The following SIPA1L3 variants were observed in gnomAD, a reference collection of about 807,000 sequenced individuals.
SIPA1L3 encodes signal induced proliferation associated 1 like 3.
In SIPA1L3, 59 loss-of-function variants were observed where a neutral mutation model predicts 150.1. That is an observed-to-expected ratio of 0.39 (90% CI 0.32 to 0.49). SIPA1L3 has a LOEUF of 0.49. SIPA1L3 is among the 20% of genes least tolerant of loss of function. The probability of loss-of-function intolerance (pLI) is 0.86; values close to 1 mark genes in which losing one functional copy is unlikely to be tolerated. For synonymous variants in SIPA1L3, 1,070 were observed against 1,077.6 expected (o/e 0.99, Z 0.14); for missense variants, 2,211 against 2,489.5 (o/e 0.89, Z 2.38).
At chr19:38,098,680 G>A (rs1401897875) in intron 4 of SIPA1L3, among the ~76,000 whole-genome samples, 1 of 152,018 alleles carries the variant, frequency 6.6e-6, no homozygotes, top group Non-Finnish European at 1.5e-5. Flanking sequence ...TTTATTAGAG[G>A]GAAATCTGCC....
At chr19:38,109,572 C>T (rs1181636035) in intron 7 of SIPA1L3, 1 of 152,382 alleles carries the variant, frequency 6.6e-6, no homozygotes, top group African/African-American at 2.4e-5. Context: ...ACTGGCCCTG[C>T]CAGTGACCTG....
chr19:38,130,637 A>C lies in SIPA1L3; in HGVS notation c.3008A>C (p.Gln1003Pro). 6.2e-7 allele frequency: 1 copy of C among 1,613,784 alleles called. No homozygotes were observed. Among genetic ancestry groups the C allele is most frequent in the Non-Finnish European group, 8.5e-7 (1 of 1,180,036 alleles). Residue 1003 changes from glutamine (Q) to proline (P), a missense_variant, in exon 10 of 22, where the codon CAG becomes CCG. Gln to Pro is a moderately conservative substitution (Grantham distance 76). Coordinates refer to ENST00000222345, the MANE Select transcript of SIPA1L3 (RefSeq NM_015073.3). ...TTCGCCTGGCAGGCCGGCCTCCGGC[A>C]GGGCAGCCGACTAGTGGAGATCTGC... is the stretch of plus-strand genomic sequence containing the variant. ...YGFAWQAGLRQGSRLVEICKV... is the reference protein window; with the variant it reads ...YGFAWQAGLRPGSRLVEICKV...
chr19:38,034,475 C>T (rs985427560), intron 2 of SIPA1L3, among the ~76,000 whole-genome samples: 4 of 151,816 alleles, frequency 2.6e-5, no homozygotes, highest in African/African-American at 7.3e-5. Flanking sequence ...GGGTCCAGGG[C>T]CCCTGTTCTT....
rs185417909 is a variant in SIPA1L3 at position 37,943,494 on chromosome 19, C to T, written c.-379+36136C>T. Among the ~76,000 whole-genome samples the T allele has an allele frequency of 2.7e-3, 418 of 152,322 alleles. 2 individuals carry two copies. Among genetic ancestry groups the T allele is most frequent in the Non-Finnish European group, 4.7e-3 (321 of 68,034 alleles). On this transcript the variant is annotated intron_variant, in intron 1 of 21. Coordinates refer to ENST00000222345, the MANE Select transcript of SIPA1L3 (RefSeq NM_015073.3). Reference sequence around the variant, plus strand: ...CCACATCAGTGGCCTTTTCACCATTCCCACTAACCTGGATTCCAACACACC... The same window carrying T: ...CCACATCAGTGGCCTTTTCACCATTTCCACTAACCTGGATTCCAACACACC...
chr19:38,030,888 G>A (rs7508583), intron 2 of SIPA1L3, among the ~76,000 whole-genome samples: 144,078 of 152,020 alleles, frequency 0.95, 68,366 homozygotes, highest in African/African-American at 0.99. Flanking sequence ...AGACCATAAC[G>A]GTGTGGGAGG....
chr19:37,937,141 G>A (rs991657714), intron 1 of SIPA1L3, among the ~76,000 whole-genome samples: 2 of 152,184 alleles, frequency 1.3e-5, no homozygotes, highest in Admixed American at 6.5e-5. Context: ...GGCATTACAG[G>A]CGTGAGCCAC....
Position 38,082,186 on chromosome 19 carries a change from C to T in SIPA1L3, c.621C>T (p.Ser207=). 6.2e-7 allele frequency: 1 copy of T among 1,604,160 alleles called. No individual in the cohort carries two copies. The highest frequency in any genetic ancestry group is 8.5e-7 in the Non-Finnish European group (1 of 1,179,772). Residue 207 remains serine, a synonymous_variant, in exon 3 of 22, where the codon TCC becomes TCT. Transcript: ENST00000222345. ...TCCGCGAGTACGGGAGCACCTCGTCCATCGACGTGCAGGGCATGCCCGAGC... is the reference window on the plus strand; with the variant it reads ...TCCGCGAGTACGGGAGCACCTCGTCTATCGACGTGCAGGGCATGCCCGAGC... ...PLFREYGSTS[S]IDVQGMPEQS... is the part of the protein sequence containing the mutation.
rs376296395 is a variant in SIPA1L3, at chr19:38,056,066, C to T, written c.-310-25190C>T. 2.0e-3 allele frequency among the ~76,000 whole-genome samples: 305 copies of T among 152,346 alleles called. 4 individuals carry two copies. In the South Asian group the frequency reaches 0.025, roughly 13 times the overall value. ...GGGCTGAGAGTGGGAGTGATGGCTG[C>T]GGCTCTGCGGCCAGCATCTGGCACA... On this transcript the variant is annotated intron_variant, in intron 2 of 21. Coordinates refer to ENST00000222345, the MANE Select transcript of SIPA1L3 (RefSeq NM_015073.3).
intron 15 of SIPA1L3, among the ~76,000 whole-genome samples, chr19:38,168,528 G>A (rs1239397354): frequency 6.6e-6 from 1 of 152,044 alleles, no homozygotes; most frequent in Non-Finnish European, 1.5e-5. Flanking sequence ...CCACGAAGAG[G>A]GACATGAAGC....
At chr19:38,078,512 GCA>G (rs963191103) in intron 2 of SIPA1L3, among the ~76,000 whole-genome samples, 11 of 129,648 alleles carry the variant, frequency 8.5e-5, no homozygotes, top group South Asian at 5.1e-4. Flanking sequence ...ACACAGACAT[GCA>G]CACACACACA....
At chr19:38,005,729 A>G (rs1967924354) in intron 1 of SIPA1L3, among the ~76,000 whole-genome samples, 1 of 152,242 alleles carries the variant, frequency 6.6e-6, no homozygotes, top group Non-Finnish European at 1.5e-5. Flanking sequence ...GAATGAAGTG[A>G]TAATAGTGAC....
At chr19:37,963,190 A>G (rs1304600492) in intron 1 of SIPA1L3, among the ~76,000 whole-genome samples, 2 of 151,836 alleles carry the variant, frequency 1.3e-5, no homozygotes, top group East Asian at 3.9e-4. Context: ...GGCCCCAGCC[A>G]TTACTTTCTG....
rs1376051496 is a variant in SIPA1L3 at position 38,082,971 on chromosome 19, C to T, written c.1406C>T (p.Thr469Ile). The change falls in exon 3 of 22, where the codon ACC (threonine) becomes ATC (isoleucine). Residue 469 changes from threonine (T) to isoleucine (I), a missense_variant. By Grantham distance (89) the Thr-to-Ile change is moderately conservative (BLOSUM62 -1). Transcript: ENST00000222345. ...GAGCCCGCCCTGAGCGCCTACCGCA[C>T]CAACGCCAGCATCTCGGTGTTGGAA... ...LAEPALSAYR[T>I]NASISVLEVP... 6.2e-7 allele frequency: 1 copy of T among 1,613,174 alleles called. No individual in the cohort carries two copies. The highest frequency in any genetic ancestry group is 1.1e-5 in the South Asian group (1 of 91,088).
At chr19:38,105,852 C>A (rs937296160) in intron 6 of SIPA1L3, among the ~76,000 whole-genome samples, 1 of 152,178 alleles carries the variant, frequency 6.6e-6, no homozygotes, top group South Asian at 2.1e-4. Context: ...TCCCAGGACA[C>A]GTGTGCATGA....
Position 38,157,938 on chromosome 19 carries a change from CCG to C in SIPA1L3, c.3662-4314_3662-4313del, listed in dbSNP as rs1164768261. On this transcript the variant is annotated intron_variant, in intron 13 of 21. Coordinates refer to ENST00000222345, the MANE Select transcript of SIPA1L3 (RefSeq NM_015073.3). ...TGATGATAAAACATTAACAGTAATG[CCG>C]AGTATGAAGTGGAAACTAGGCTGGG... Among the ~76,000 whole-genome samples, 17 of 152,202 alleles carry C rather than the reference CCG, an allele frequency of 1.1e-4. 1 individual carries two copies. The highest frequency in any genetic ancestry group is 2.1e-4 in the South Asian group (1 of 4,822).
intron 13 of SIPA1L3, 24 bp from the exon 14 acceptor site, chr19:38,162,229 G>A (rs1600154111): frequency 6.3e-7 from 1 of 1,590,704 alleles, no homozygotes; most frequent in African/African-American, 1.3e-5. Context: ...CCTAACCACT[G>A]GTGTGTCTCC....
intron 1 of SIPA1L3, among the ~76,000 whole-genome samples, chr19:37,927,316 C>T (rs760665273): frequency 2.6e-5 from 4 of 151,728 alleles, no homozygotes; most frequent in Non-Finnish European, 5.9e-5. Flanking sequence ...CCCGGCTAAA[C>T]TTTTTTGTAT....
intron 1 of SIPA1L3, among the ~76,000 whole-genome samples, chr19:37,939,023 C>A (rs1312760747): frequency 1.3e-5 from 2 of 152,132 alleles, no homozygotes; most frequent in African/African-American, 4.8e-5. Flanking sequence ...AGTTTATGAT[C>A]CTCGGGTCAT....
At chr19:37,973,975 G>A (rs1403074882) in intron 1 of SIPA1L3, among the ~76,000 whole-genome samples, 1 of 152,164 alleles carries the variant, frequency 6.6e-6, no homozygotes, top group Non-Finnish European at 1.5e-5. Flanking sequence ...GCAACAGAGA[G>A]TGGGCAGCTC....
Sources: gnomAD v4.1 joint callset for allele counts (sites outside exome capture counted in the v4.1 genomes callset) on GRCh38, gnomAD v4.1.1 for gene constraint, MANE v1.5 for transcripts, NCBI Gene and HGNC (gene_info 2026-07-23, HGNC 2026-07-21) for gene names.